The following CAMKK2 variants were observed in gnomAD, a reference collection of about 807,000 sequenced individuals.
CAMKK2 encodes the protein calcium/calmodulin-dependent protein kinase kinase 2.
Under a neutral mutation model 67.2 loss-of-function variants are expected in CAMKK2, and 30 were observed. The ratio of observed to expected loss-of-function variants is 0.45; its 90% CI spans 0.33 to 0.61. CAMKK2 has a LOEUF of 0.61. Among genes scored for constraint, CAMKK2 ranks in the 20% least tolerant of loss-of-function variants. The pLI, the probability that CAMKK2 is intolerant of heterozygous loss-of-function variation, is 0.02. For missense variants in CAMKK2, 643 were observed against 802.0 expected (o/e 0.80, Z 2.39); for synonymous variants, 322 against 326.2 (o/e 0.99, Z 0.14).
Position 121,253,544 on chromosome 12 carries a change from G to C in CAMKK2, c.908-72C>G. 7.7e-7 allele frequency: 1 copy of C among 1,301,864 alleles called. No homozygotes were observed. 80.6% of individuals were successfully genotyped at this position (1,301,864 alleles called of 1,614,324 possible). ...CGTGAGCACCTCTATGCGGCCACATGGCCTGGAGACACAGGCATGGCACCC... is the reference window on the plus strand; with the variant it reads ...CGTGAGCACCTCTATGCGGCCACATCGCCTGGAGACACAGGCATGGCACCC... On this transcript the variant is annotated intron_variant, in intron 9 of 16. Coordinates refer to ENST00000404169, the MANE Select transcript of CAMKK2 (RefSeq NM_001270485.2). The surrounding 1 kb of genome is among the most constrained non-coding windows in gnomAD (Gnocchi z 5.0).
At chr12:121,260,261 TG>T in intron 7 of CAMKK2, 57 bp downstream of exon 7, 1 of 1,467,372 alleles carries the variant, frequency 6.8e-7, no homozygotes, top group Non-Finnish European at 9.3e-7. Flanking sequence ...AGAGGACCCC[TG>T]GGCATTGGCA....
intron 1 of CAMKK2, among the ~76,000 whole-genome samples, chr12:121,293,776 A>T (rs1311288112): frequency 2.0e-5 from 3 of 151,234 alleles, no homozygotes; most frequent in Non-Finnish European, 2.9e-5. Context: ...CACAAATGAC[A>T]CCTCCTTCAG....
At chr12:121,280,526 C>A (rs1284911793) in intron 1 of CAMKK2, among the ~76,000 whole-genome samples, 1 of 152,206 alleles carries the variant, frequency 6.6e-6, no homozygotes, top group African/African-American at 2.4e-5. Flanking sequence ...AAACTCTGAT[C>A]GCCGGTGAGC....
Position 121,274,397 on chromosome 12 carries a change from T to C in CAMKK2, c.130A>G (p.Ser44Gly). 6.2e-7 allele frequency: 1 copy of C among 1,613,394 alleles called. No individual in the cohort carries two copies. Among genetic ancestry groups the C allele is most frequent in the Non-Finnish European group, 8.5e-7 (1 of 1,179,928 alleles). ...AAGGACTCCATGCCCAGGTGGATGC[T>C]CAAGGATGAGAGGCCCCGCAGGGCC... ...CEALRGLSSL[S>G]IHLGMESFIV... Residue 44 changes from serine (S) to glycine (G), a missense_variant, in exon 2 of 17, where the codon AGC becomes GGC. Physicochemically the swap from Ser to Gly is moderately conservative, Grantham distance 56. Around this residue, in one of 3 missense-constraint regions of CAMKK2, gnomAD observed 483 missense variants for 625.8 expected, o/e 0.77. Transcript: ENST00000404169.
chr12:121,248,553 C>G, intron 14 of CAMKK2, 53 bp downstream of exon 14: 1 of 1,610,588 alleles, frequency 6.2e-7, no homozygotes, highest in East Asian at 2.2e-5. Context: ...CTGGCCAGGC[C>G]CCACCTCAGG....
At chr12:121,297,428 A>G (rs1901494472), upstream of CAMKK2, 2 of 364,062 alleles carry the variant, frequency 5.5e-6, no homozygotes, top group Admixed American at 3.3e-5. Flanking sequence ...TCCCATCCCC[A>G]GCCCACCTGG....
chr12:121,273,352 G>A (rs577796851), intron 2 of CAMKK2, among the ~76,000 whole-genome samples: 4 of 152,226 alleles, frequency 2.6e-5, no homozygotes, highest in Admixed American at 6.5e-5. Context: ...GAATGTGAAG[G>A]CAGGAACAGA....
At chr12:121,281,347 T>C (rs906687611) in intron 1 of CAMKK2, among the ~76,000 whole-genome samples, 1 of 152,104 alleles carries the variant, frequency 6.6e-6, no homozygotes, top group African/African-American at 2.4e-5. Flanking sequence ...TCCCCTGAGG[T>C]TGCCTCATCC....
chr12:121,244,232 G>A (rs1304024451), intron 16 of CAMKK2: 7 of 1,177,730 alleles, frequency 5.9e-6, no homozygotes, highest in Non-Finnish European at 7.3e-6. Context: ...GGACTCGGGG[G>A]GGCACCCATG....
chr12:121,240,953 C>G lies in CAMKK2; in HGVS notation c.1597-84G>C. 1.4e-6 allele frequency: 2 copies of G among 1,435,056 alleles called. No individual in the cohort carries two copies. Among genetic ancestry groups the G allele is most frequent in the Non-Finnish European group, 1.9e-6 (2 of 1,044,002 alleles). The allele number at this position is 1,435,056 out of a possible 1,614,324, so 88.9% of individuals were successfully genotyped here. A position where few individuals can be genotyped will look rare whatever the true frequency, so the allele number is the denominator to read the frequency against. On this transcript the variant is annotated intron_variant, in intron 16 of 16. Transcript: ENST00000404169. This position sits in a 1 kb window ranked among gnomAD's most constrained non-coding sequence, Gnocchi z 4.4. Reference sequence around the variant, plus strand: ...GCCAGCTGCTCCCACATCTGGGCCCCCTGCCCAAGTGGGCCGTCGCGCACC... The same window carrying G: ...GCCAGCTGCTCCCACATCTGGGCCCGCTGCCCAAGTGGGCCGTCGCGCACC...
At chr12:121,261,397 T>C (rs1018824042) in intron 6 of CAMKK2, among the ~76,000 whole-genome samples, 1 of 152,156 alleles carries the variant, frequency 6.6e-6, no homozygotes, top group African/African-American at 2.4e-5. Flanking sequence ...TGTCACTTAG[T>C]GTGACCGGTG....
At chr12:121,292,331 G>A (rs552874509) in intron 1 of CAMKK2, among the ~76,000 whole-genome samples, 41 of 152,134 alleles carry the variant, frequency 2.7e-4, no homozygotes, top group African/African-American at 8.4e-4. Context: ...GTTTCGCTAT[G>A]TTGGCCAGCC....
intron 9 of CAMKK2, among the ~76,000 whole-genome samples, chr12:121,255,195 TATATATATAATTATATATA>T (rs1566057622): frequency 0.015 from 1,568 of 104,102 alleles, 122 homozygotes; most frequent in African/African-American, 0.054. Context: ...AACTCCCCTT[TATATATATAATTATATATA>T]TAATTTTATA....
chr12:121,284,114 G>T (rs1416731594), intron 1 of CAMKK2, among the ~76,000 whole-genome samples: 1 of 152,218 alleles, frequency 6.6e-6, no homozygotes, highest in Non-Finnish European at 1.5e-5. Flanking sequence ...TCCGCTACAG[G>T]TGTCTGAGTC....
chr12:121,296,955 C>T (rs1182691115), upstream of CAMKK2, among the ~76,000 whole-genome samples: 1 of 151,828 alleles, frequency 6.6e-6, no homozygotes, highest in African/African-American at 2.4e-5. The surrounding 1 kb of genome is among the most constrained non-coding windows in gnomAD (Gnocchi z 7.1). Context: ...ACGAAAGTAG[C>T]GAAGAGGCGA....
At chr12:121,248,859 C>T (rs1890055106) in intron 13 of CAMKK2, 125 bp from the exon 14 acceptor site, 8 of 1,132,766 alleles carry the variant, frequency 7.1e-6, no homozygotes, top group Non-Finnish European at 1.0e-5. Flanking sequence ...GCATGCAAAA[C>T]AGCTGGCGAG....
chr12:121,240,262 C>A lies in CAMKK2; in HGVS notation c.*437G>T, dbSNP rs558665691. 1.7e-5 allele frequency: 11 copies of A among 645,538 alleles called. No homozygotes were observed. The highest frequency in any genetic ancestry group is 1.5e-4 in the African/African-American group (8 of 54,810). The allele number at this position is 645,538 out of a possible 1,614,324, so 40.0% of individuals were successfully genotyped here. The stretch of plus-strand genomic sequence containing the variant: ...TTGCACTAGGAGCCACATCTAGCCC[C>A]CTACTCCCTCTCAAATGCAGCAACC... On this transcript the variant is annotated 3_prime_UTR_variant, in exon 17 of 17. Coordinates refer to ENST00000404169, the MANE Select transcript of CAMKK2 (RefSeq NM_001270485.2). This position sits in a 1 kb window ranked among gnomAD's most constrained non-coding sequence, Gnocchi z 4.4.
At chr12:121,269,402 A>G in intron 4 of CAMKK2, 126 bp downstream of exon 4, 1 of 762,296 alleles carries the variant, frequency 1.3e-6, no homozygotes, top group South Asian at 1.6e-5. Flanking sequence ...CCTAAGGCAC[A>G]AAATAAACAT....
At position 121,248,715 on chromosome 12, in the gene CAMKK2, C is replaced by T. The variant is rs1251900123; in HGVS notation, c.1343G>A (p.Arg448Lys). The T allele has an allele frequency of 3.7e-6, 6 of 1,614,056 alleles. No homozygotes were observed. In the South Asian group the frequency reaches 5.5e-5, roughly 15 times the overall value. ...PEIKLHPWVTRHGAEPLPSED... is the reference protein window; with the variant it reads ...PEIKLHPWVTKHGAEPLPSED... ...CGACGGCAACGGCTCCGCCCCATGCCTCGTGACCCAGGGGTGCAGCTTCAA... is the reference window on the plus strand; with the variant it reads ...CGACGGCAACGGCTCCGCCCCATGCTTCGTGACCCAGGGGTGCAGCTTCAA... The change falls in exon 14 of 17, where the codon AGG (arginine) becomes AAG (lysine). Residue 448 changes from arginine to lysine, a missense_variant. Transcript: ENST00000404169.
Sources: allele counts gnomAD v4.1 joint callset (sites outside exome capture counted in the v4.1 genomes callset), GRCh38; gene constraint gnomAD v4.1.1; regional missense constraint gnomAD v4.1.1; non-coding constraint Gnocchi (gnomAD v3.1); transcripts MANE v1.5; gene names NCBI Gene and HGNC (gene_info 2026-07-23, HGNC 2026-07-21).